Variants in LDLRAD3 observed in about 807,000 individuals in gnomAD.
LDLRAD3 encodes the protein low-density lipoprotein receptor class A domain-containing protein 3.
A neutral mutation model predicts 29.4 loss-of-function variants in LDLRAD3; 20 were observed. The ratio of observed to expected loss-of-function variants is 0.68; its 90% CI spans 0.48 to 0.99. LDLRAD3 has a LOEUF of 0.99. Among genes scored for constraint, LDLRAD3 ranks in the 50% least tolerant of loss-of-function variants. The probability of loss-of-function intolerance (pLI) is 0.00; values close to 1 mark genes in which losing one functional copy is unlikely to be tolerated. For missense variants in LDLRAD3, 420 were observed against 454.3 expected (o/e 0.92, Z 0.69); for synonymous variants, 157 against 192.7 (o/e 0.81, Z 1.53).
intron 4 of LDLRAD3, among the ~76,000 whole-genome samples, chr11:36,122,897 G>A (rs1473065034): frequency 1.3e-5 from 2 of 151,694 alleles, no homozygotes; most frequent in Non-Finnish European, 2.9e-5. Context: ...ACAAGGCTAG[G>A]AAAGTGACTC....
At chr11:36,047,919 CTTCTT>C (rs1424966241) in intron 2 of LDLRAD3, among the ~76,000 whole-genome samples, 3 of 152,208 alleles carry the variant, frequency 2.0e-5, no homozygotes, top group Non-Finnish European at 4.4e-5. Context: ...AGTCACTTCT[CTTCTT>C]GGAATCTCAG....
chr11:36,036,262 G>A lies in LDLRAD3; in HGVS notation c.193+13G>A, dbSNP rs1312092705. On this transcript the variant is annotated intron_variant, in intron 2 of 5. Coordinates refer to ENST00000315571, the MANE Select transcript of LDLRAD3 (RefSeq NM_174902.4). ...GAGAAGGAGTGCCGTGAGTGGCCTG[G>A]CCCTTTGCTGGGGTGGGGTGGCAGC... is the stretch of plus-strand genomic sequence containing the variant. 5.6e-6 allele frequency: 9 copies of A among 1,613,756 alleles called. No individual in the cohort carries two copies. The highest frequency in any genetic ancestry group is 7.6e-6 in the Non-Finnish European group (9 of 1,179,960).
intron 2 of LDLRAD3, among the ~76,000 whole-genome samples, chr11:36,070,640 G>T (rs542317504): frequency 6.6e-6 from 1 of 152,324 alleles, no homozygotes; most frequent in African/African-American, 2.4e-5. Context: ...GGTAGAATCG[G>T]TCAGAGCAGG....
chr11:36,176,465 T>C (rs1590332925), intron 4 of LDLRAD3, among the ~76,000 whole-genome samples: 1 of 152,212 alleles, frequency 6.6e-6, no homozygotes, highest in East Asian at 1.9e-4. Flanking sequence ...TTTTTTTTTT[T>C]CAAAATTTAG....
At chr11:35,994,011 T>G (rs1031800972) in intron 1 of LDLRAD3, among the ~76,000 whole-genome samples, 1 of 152,102 alleles carries the variant, frequency 6.6e-6, no homozygotes, top group African/African-American at 2.4e-5. Context: ...GAATTCAGTG[T>G]TGGTAAATGG....
In LDLRAD3 at chr11:35,967,813, C is replaced by T. The variant is rs953388593; in HGVS notation, c.46+23669C>T. On this transcript the variant is annotated intron_variant, in intron 1 of 5. Coordinates refer to ENST00000315571, the MANE Select transcript of LDLRAD3 (RefSeq NM_174902.4). ...TAGTGTTTTCAGATATAGCAGCCTGCAAGCTCCTGCCATTGCAGTATCCAT... is the reference window on the plus strand; with the variant it reads ...TAGTGTTTTCAGATATAGCAGCCTGTAAGCTCCTGCCATTGCAGTATCCAT... 1.6e-5 allele frequency: 7 copies of T among 439,708 alleles called. No individual in the cohort carries two copies. The Admixed American group carries it at 1.8e-4, about 11-fold the overall frequency. The allele number at this position is 439,708 out of a possible 1,614,324, so 27.2% of individuals were successfully genotyped here. A position where few individuals can be genotyped will look rare whatever the true frequency, so the allele number is the denominator to read the frequency against.
rs578204551 is a variant in LDLRAD3 at position 35,996,476 on chromosome 11, G to C, written c.47-39627G>C. On this transcript the variant is annotated intron_variant, in intron 1 of 5. Coordinates refer to ENST00000315571, the MANE Select transcript of LDLRAD3 (RefSeq NM_174902.4). ...ATATAATAATAATAAAAAAGTTTGA[G>C]ATATTATGAGAATTCCCAAAATGTG... 2.6e-4 allele frequency among the ~76,000 whole-genome samples: 40 copies of C among 152,292 alleles called. 1 individual carries two copies. The highest frequency in any genetic ancestry group is 1.5e-3 in the South Asian group (7 of 4,826).
intron 1 of LDLRAD3, among the ~76,000 whole-genome samples, chr11:35,996,067 T>C (rs562703947): frequency 4.3e-4 from 65 of 152,390 alleles, no homozygotes; most frequent in African/African-American, 1.5e-3. Context: ...TAAGAACTTT[T>C]CCTTTGCATT....
At chr11:36,141,394 A>T (rs1330778950) in intron 4 of LDLRAD3, among the ~76,000 whole-genome samples, 1 of 152,168 alleles carries the variant, frequency 6.6e-6, no homozygotes, top group Non-Finnish European at 1.5e-5. Context: ...GAAAGCAGGG[A>T]TCGAATTTTT....
chr11:35,952,105 A>G (rs2133126120), intron 1 of LDLRAD3, among the ~76,000 whole-genome samples: 1 of 152,304 alleles, frequency 6.6e-6, no homozygotes, highest in Middle Eastern at 3.4e-3. Context: ...AGAGTAGTTT[A>G]TTCAGGTGGG....
intron 2 of LDLRAD3, among the ~76,000 whole-genome samples, chr11:36,074,368 A>G (rs576815354): frequency 6.6e-6 from 1 of 152,182 alleles, no homozygotes; most frequent in East Asian, 1.9e-4. Flanking sequence ...TCTACTGCAG[A>G]TAGTGCAATG....
chr11:36,077,518 G>C (rs1203154671), intron 2 of LDLRAD3, among the ~76,000 whole-genome samples: 1 of 152,236 alleles, frequency 6.6e-6, no homozygotes, highest in African/African-American at 2.4e-5. Flanking sequence ...AGAACAGTGA[G>C]GGTTGTGTGA....
At chr11:36,156,989 A>G (rs1174072124) in intron 4 of LDLRAD3, among the ~76,000 whole-genome samples, 1 of 152,192 alleles carries the variant, frequency 6.6e-6, no homozygotes. Context: ...GTTAGTACAG[A>G]TCTCCTCTGG....
chr11:35,960,487 G>A (rs1234732642), intron 1 of LDLRAD3, among the ~76,000 whole-genome samples: 3 of 152,190 alleles, frequency 2.0e-5, no homozygotes, highest in Non-Finnish European at 2.9e-5. Context: ...CCTCTCATTA[G>A]TGGTTTATGA....
chr11:36,055,484 T>A (rs1796618840), intron 2 of LDLRAD3, among the ~76,000 whole-genome samples: 1 of 152,060 alleles, frequency 6.6e-6, no homozygotes, highest in South Asian at 2.1e-4. Flanking sequence ...AAACAGAGGG[T>A]TCCTGGCAGC....
intron 2 of LDLRAD3, among the ~76,000 whole-genome samples, chr11:36,062,292 A>G (rs747154806): frequency 1.5e-4 from 23 of 152,216 alleles, no homozygotes; most frequent in Non-Finnish European, 3.2e-4. Context: ...AAAAAATCCA[A>G]GAGTATTGAC....
chr11:36,036,313 C>T (rs900646113), intron 2 of LDLRAD3, 64 bp downstream of exon 2: 1 of 1,593,952 alleles, frequency 6.3e-7, no homozygotes, highest in African/African-American at 1.3e-5. Flanking sequence ...GGGAGCAGGT[C>T]CTGAGCAGGC....
intron 4 of LDLRAD3, among the ~76,000 whole-genome samples, chr11:36,200,322 C>G (rs1855109035): frequency 6.6e-6 from 1 of 152,124 alleles, no homozygotes; most frequent in Non-Finnish European, 1.5e-5. Context: ...TTCATGGCGT[C>G]CTCCTCAGCA....
At position 35,944,519 on chromosome 11, in the gene LDLRAD3, C is replaced by T. The variant is rs1275575156; in HGVS notation, c.46+375C>T. 1.3e-5 allele frequency among the ~76,000 whole-genome samples: 2 copies of T among 151,986 alleles called. No homozygotes were observed. The highest frequency in any genetic ancestry group is 4.8e-5 in the African/African-American group (2 of 41,392). ...AAGGAAAGGAGAGGAGAGGAGAGAA[C>T]TCTTCCCTGGTCTCATCTTCCCAGA... On this transcript the variant is annotated intron_variant, in intron 1 of 5. Transcript: ENST00000315571. The surrounding 1 kb of genome is among the most constrained non-coding windows in gnomAD (Gnocchi z 4.9).
Sources: gnomAD v4.1 joint callset for allele counts (sites outside exome capture counted in the v4.1 genomes callset) on GRCh38, gnomAD v4.1.1 for gene constraint, Gnocchi (gnomAD v3.1) non-coding constraint, MANE v1.5 for transcripts, NCBI Gene and HGNC (gene_info 2026-07-23, HGNC 2026-07-21) for gene names.